The following BICD2 variants were observed in gnomAD, a reference collection of about 807,000 sequenced individuals.
BICD2 encodes protein bicaudal D homolog 2.
Under a neutral mutation model 72.9 loss-of-function variants are expected in BICD2, and 25 were observed. The observed-to-expected ratio is 0.34, with a 90% CI of 0.25 to 0.48. BICD2 has a LOEUF of 0.48. Ranked by LOEUF, BICD2 falls within the 20% of genes least tolerant of loss-of-function variation. BICD2 has a pLI of 0.99. For missense variants in BICD2, 894 were observed against 1,175.2 expected, an observed-to-expected ratio of 0.76 and a Z score of 3.50; for synonymous variants, 501 against 516.1, an observed-to-expected ratio of 0.97 and a Z score of 0.40.
intron 1 of BICD2, among the ~76,000 whole-genome samples, chr9:92,760,503 T>A (rs1854350019): frequency 6.6e-6 from 1 of 152,196 alleles, no homozygotes; most frequent in Admixed American, 6.5e-5. Context: ...GGGCTCGATG[T>A]GGGAGTTTCA....
At chr9:92,718,397 G>T in intron 5 of BICD2, 142 bp downstream of exon 5, 2 of 1,022,040 alleles carry the variant, frequency 2.0e-6, no homozygotes, top group Non-Finnish European at 2.8e-6. Flanking sequence ...AGGGTAGGCA[G>T]TCGAGCTACT....
In BICD2 at chr9:92,718,994, G is replaced by A. The variant is rs1423989399; in HGVS notation, c.1651C>T (p.Arg551Cys). The A allele has an allele frequency of 6.2e-7, 1 of 1,611,598 alleles. No individual in the cohort carries two copies. The highest frequency in any genetic ancestry group is 2.2e-5 in the East Asian group (1 of 44,862). The change falls in exon 5 of 7, where the codon CGT (arginine) becomes TGT (cysteine). Residue 551 changes from arginine to cysteine, a missense_variant. Arg to Cys is a radical substitution (Grantham distance 180). Transcript: ENST00000356884. ...TCGCGGTAGTAGTCCAGCATGACAC[G>A]GTTGGGTGTCTCATTGTTGCACATG... ...VCMCNNETPN[R>C]VMLDYYREGQ...
At chr9:92,717,344 C>T (rs140740276) in intron 6 of BICD2, among the ~76,000 whole-genome samples, 70 of 152,362 alleles carry the variant, frequency 4.6e-4, no homozygotes, top group African/African-American at 1.6e-3. Context: ...GGGCCTGCTG[C>T]GGTTTCATTC....
chr9:92,739,582 C>T (rs539428235), intron 1 of BICD2, among the ~76,000 whole-genome samples: 3 of 152,312 alleles, frequency 2.0e-5, no homozygotes, highest in African/African-American at 4.8e-5. Context: ...GAGCAAGACC[C>T]GACCCCCGAC....
At chr9:92,736,188 A>T (rs1853784108) in intron 1 of BICD2, among the ~76,000 whole-genome samples, 1 of 152,244 alleles carries the variant, frequency 6.6e-6, no homozygotes, top group Non-Finnish European at 1.5e-5. Flanking sequence ...CTGATAAAAC[A>T]CTAACTGCTG....
At chr9:92,753,713 G>T (rs1854196115) in intron 1 of BICD2, among the ~76,000 whole-genome samples, 1 of 150,942 alleles carries the variant, frequency 6.6e-6, no homozygotes, top group Non-Finnish European at 1.5e-5. Context: ...TAATTTTTTT[G>T]TATTTTTAGT....
At position 92,718,792 on chromosome 9, in the gene BICD2, C is replaced by T; in HGVS notation, c.1853G>A (p.Ser618Asn). ...GTTCATGGGCTCCCGGCGTGGGTCA[C>T]TCAGGGGTGATGGCAGTGAGGAGCC... is the stretch of plus-strand genomic sequence containing the variant. ...SPGSSLPSPLSDPRREPMNIY... is the reference protein window; with the variant it reads ...SPGSSLPSPLNDPRREPMNIY... Residue 618 changes from serine to asparagine, a missense_variant, in exon 5 of 7, where the codon AGT becomes AAT. By Grantham distance (46) the Ser-to-Asn change is conservative (BLOSUM62 1). Coordinates refer to ENST00000356884, the MANE Select transcript of BICD2 (RefSeq NM_001003800.2). 1.9e-6 allele frequency: 3 copies of T among 1,613,760 alleles called. No homozygotes were observed. The highest frequency in any genetic ancestry group is 2.2e-5 in the South Asian group (2 of 91,078).
Position 92,720,820 on chromosome 9 carries a change from T to C in BICD2, c.607-65A>G. On this transcript the variant is annotated intron_variant, in intron 3 of 6. Transcript: ENST00000356884. The surrounding 1 kb of genome is among the most constrained non-coding windows in gnomAD (Gnocchi z 5.4). Reference sequence around the variant, plus strand: ...GGAAGCTCCTTTCAGGCCCCATAAATGAAGAAAACACACCAGCACACCAAC... The same window carrying C: ...GGAAGCTCCTTTCAGGCCCCATAAACGAAGAAAACACACCAGCACACCAAC... The C allele has an allele frequency of 2.0e-6, 3 of 1,514,756 alleles. No homozygotes were observed. The highest frequency in any genetic ancestry group is 2.8e-5 in the African/African-American group (2 of 72,096). The allele number at this position is 1,514,756 out of a possible 1,614,324, so 93.8% of individuals were successfully genotyped here. A position where few individuals can be genotyped will look rare whatever the true frequency, so the allele number is the denominator to read the frequency against.
rs1487111863 is a variant in BICD2 at position 92,764,820 on chromosome 9, G to GCCC, written c.-77_-76insGGG. 77 of 1,133,136 alleles carry GCCC rather than the reference G, an allele frequency of 6.8e-5. No individual in the cohort carries two copies. The highest frequency in any genetic ancestry group is 8.2e-5 in the Non-Finnish European group (76 of 923,280). 70.2% of individuals were successfully genotyped at this position (1,133,136 alleles called of 1,614,324 possible). ...CTCCTCAGCCGCCGCCGCTGCCGCC[G>GCCC]CCGCCGCCGCCCTGCCCCGACGGCC... On this transcript the variant is annotated 5_prime_UTR_variant, in exon 1 of 7. Transcript: ENST00000356884. The surrounding 1 kb of genome is among the most constrained non-coding windows in gnomAD (Gnocchi z 5.5).
chr9:92,733,966 TAA>T (rs35019242), intron 1 of BICD2, among the ~76,000 whole-genome samples: 6 of 140,192 alleles, frequency 4.3e-5, no homozygotes, highest in Non-Finnish European at 9.4e-5. Context: ...GACTCCGTCT[TAA>T]AAAAAAAAAA....
At chr9:92,759,867 G>C (rs1854335398) in intron 1 of BICD2, among the ~76,000 whole-genome samples, 6 of 152,212 alleles carry the variant, frequency 3.9e-5, no homozygotes, top group Admixed American at 3.9e-4. Context: ...GCCCAAAACT[G>C]ACAAAGAAGA....
Position 92,713,641 on chromosome 9 carries a change from T to C in BICD2, c.*1513A>G. 2 of 1,475,052 alleles carry C rather than the reference T, an allele frequency of 1.4e-6. No homozygotes were observed. The highest frequency in any genetic ancestry group is 1.8e-6 in the Non-Finnish European group (2 of 1,105,920). The allele number at this position is 1,475,052 out of a possible 1,614,324, so 91.4% of individuals were successfully genotyped here. A position where few individuals can be genotyped will look rare whatever the true frequency, so the allele number is the denominator to read the frequency against. ...GTGTCTGCAAAGTCCCTTAGGAGTA[T>C]GGAGAGAAGCTATGTGCCAGGCTTG... is the stretch of plus-strand genomic sequence containing the variant. On this transcript the variant is annotated 3_prime_UTR_variant, in exon 7 of 7. Transcript: ENST00000356884.
chr9:92,713,410 C>T lies in BICD2; in HGVS notation c.*1744G>A. Reference sequence around the variant, plus strand: ...GGCCACGAGAGGGAAGGGGAAGGGGCTGCAGTGTGACAGGGCCGGGTGGCC... The same window carrying T: ...GGCCACGAGAGGGAAGGGGAAGGGGTTGCAGTGTGACAGGGCCGGGTGGCC... On this transcript the variant is annotated 3_prime_UTR_variant, in exon 7 of 7. Coordinates refer to ENST00000356884, the MANE Select transcript of BICD2 (RefSeq NM_001003800.2). 6.4e-7 allele frequency: 1 copy of T among 1,567,496 alleles called. No individual in the cohort carries two copies. The highest frequency in any genetic ancestry group is 1.2e-5 in the South Asian group (1 of 86,102).
intron 1 of BICD2, among the ~76,000 whole-genome samples, chr9:92,747,452 G>A (rs961529549): frequency 6.6e-6 from 1 of 152,082 alleles, no homozygotes; most frequent in Non-Finnish European, 1.5e-5. Context: ...CTCTTTCATC[G>A]CCACAAGTGT....
At chr9:92,763,056 T>C (rs1257606982) in intron 1 of BICD2, among the ~76,000 whole-genome samples, 5 of 152,178 alleles carry the variant, frequency 3.3e-5, no homozygotes, top group East Asian at 1.9e-4. Flanking sequence ...CACTGGAGCA[T>C]GCATTGCAGA....
At chr9:92,748,403 A>G (rs1854061080) in intron 1 of BICD2, among the ~76,000 whole-genome samples, 1 of 152,170 alleles carries the variant, frequency 6.6e-6, no homozygotes, top group South Asian at 2.1e-4. Flanking sequence ...CTGGAAGTGT[A>G]AACACTCCTG....
At chr9:92,749,021 G>A (rs1854086225) in intron 1 of BICD2, among the ~76,000 whole-genome samples, 1 of 152,086 alleles carries the variant, frequency 6.6e-6, no homozygotes, top group African/African-American at 2.4e-5. Flanking sequence ...GGCAGGAGGT[G>A]GAGTTGGTCC....
At chr9:92,757,801 G>A (rs971508167) in intron 1 of BICD2, among the ~76,000 whole-genome samples, 5 of 152,134 alleles carry the variant, frequency 3.3e-5, no homozygotes, top group African/African-American at 7.2e-5. Context: ...AAACAAGACC[G>A]GCCACAGCTG....
At chr9:92,748,069 G>T (rs1278962683) in intron 1 of BICD2, among the ~76,000 whole-genome samples, 14 of 152,172 alleles carry the variant, frequency 9.2e-5, no homozygotes, top group Admixed American at 9.2e-4. Flanking sequence ...GGAACTCCAG[G>T]GGTACAGGGT....
Sources: gnomAD v4.1 joint callset for allele counts (sites outside exome capture counted in the v4.1 genomes callset) on GRCh38, gnomAD v4.1.1 for gene constraint, Gnocchi (gnomAD v3.1) non-coding constraint, MANE v1.5 for transcripts, NCBI Gene and HGNC (gene_info 2026-07-23, HGNC 2026-07-21) for gene names.